The following PDE4D variants were observed in gnomAD, a reference collection of about 807,000 sequenced individuals.
The protein encoded by PDE4D is phosphodiesterase 4D.
PDE4D carries 24 observed loss-of-function variants against 87.4 expected under a neutral mutation model. That is an observed-to-expected ratio of 0.27 (90% CI 0.20 to 0.39). The LOEUF (loss-of-function observed/expected upper bound fraction) is 0.39, where lower values mean the gene tolerates loss of function less well. Ranked by LOEUF, PDE4D falls within the 10% of genes least tolerant of loss-of-function variation. The probability of loss-of-function intolerance (pLI) is 1.00; values close to 1 mark genes in which losing one functional copy is unlikely to be tolerated. For synonymous variants in PDE4D, 384 were observed against 383.2 expected (o/e 1.00, Z -0.02); for missense variants, 714 against 1,041.0 (o/e 0.69, Z 4.32).
intron 1 of PDE4D, among the ~76,000 whole-genome samples, chr5:59,505,473 G>C (rs1345442451): frequency 6.6e-6 from 1 of 152,140 alleles, no homozygotes; most frequent in East Asian, 1.9e-4. Flanking sequence ...CACGGACAGG[G>C]GAAAGCAGGT....
intron 1 of PDE4D, among the ~76,000 whole-genome samples, chr5:59,607,111 G>A (rs764033919): frequency 7.9e-5 from 12 of 152,086 alleles, no homozygotes; most frequent in East Asian, 1.9e-4. Flanking sequence ...ACAGATACGC[G>A]TAGAATTAGG....
At position 59,349,774 on chromosome 5, in the gene PDE4D, T is replaced by A. The variant is rs569139217; in HGVS notation, c.456-133806A>T. ...TTTGTCACCTTGATTTTTTTGTACATCTCCTGGCATTCCACATTTGCCAGA... is the reference window on the plus strand; with the variant it reads ...TTTGTCACCTTGATTTTTTTGTACAACTCCTGGCATTCCACATTTGCCAGA... On this transcript the variant is annotated intron_variant, in intron 1 of 14. Transcript: ENST00000340635. Among the ~76,000 whole-genome samples, 6 of 152,198 alleles carry A rather than the reference T, an allele frequency of 3.9e-5. No individual in the cohort carries two copies. The South Asian group carries it at 1.0e-3, about 26-fold the overall frequency.
At chr5:60,079,586 C>T (rs527367625) in intron 2 of PDE4D, among the ~76,000 whole-genome samples, 1 of 152,294 alleles carries the variant, frequency 6.6e-6, no homozygotes, top group South Asian at 2.1e-4. Flanking sequence ...TTTCTGTTTT[C>T]TGCATTTGGC....
At chr5:59,707,069 T>C (rs1454215686) in intron 1 of PDE4D, among the ~76,000 whole-genome samples, 1 of 152,192 alleles carries the variant, frequency 6.6e-6, no homozygotes. Flanking sequence ...TGTTAAAGAA[T>C]TTCTTTTATA....
intron 1 of PDE4D, among the ~76,000 whole-genome samples, chr5:59,887,373 G>C (rs1025080067): frequency 5.9e-5 from 9 of 152,106 alleles, no homozygotes; most frequent in East Asian, 3.8e-4. Flanking sequence ...ATTTTTAAAC[G>C]TAGATAAAAT....
At chr5:60,227,702 T>G (rs1019484585) in intron 1 of PDE4D, among the ~76,000 whole-genome samples, 6 of 152,016 alleles carry the variant, frequency 3.9e-5, no homozygotes, top group Non-Finnish European at 5.9e-5. Flanking sequence ...TCCTAATTAG[T>G]CTTTGCACAT....
intron 3 of PDE4D, among the ~76,000 whole-genome samples, chr5:59,908,829 A>AAATCC (rs1236704129): frequency 2.6e-5 from 4 of 152,206 alleles, no homozygotes; most frequent in African/African-American, 9.6e-5. Context: ...AGAATTAATT[A>AAATCC]AATCCATGAT....
At chr5:59,557,250 C>T (rs1819099395) in intron 1 of PDE4D, among the ~76,000 whole-genome samples, 1 of 152,148 alleles carries the variant, frequency 6.6e-6, no homozygotes, top group Non-Finnish European at 1.5e-5. Context: ...CCATTTATAT[C>T]ATTTTAAGCA....
chr5:59,202,543 A>C (rs1233369843), intron 2 of PDE4D, among the ~76,000 whole-genome samples: 1 of 151,678 alleles, frequency 6.6e-6, no homozygotes, highest in Non-Finnish European at 1.5e-5. Flanking sequence ...AGCAGGTTAG[A>C]ATTTTTTTTT....
intron 1 of PDE4D, among the ~76,000 whole-genome samples, chr5:59,392,796 G>T (rs909913749): frequency 6.6e-6 from 1 of 152,116 alleles, no homozygotes; most frequent in African/African-American, 2.4e-5. Context: ...TGACCTGCTG[G>T]AAGAGTCCTG....
chr5:59,748,904 G>A (rs552631699), intron 1 of PDE4D, among the ~76,000 whole-genome samples: 9 of 152,256 alleles, frequency 5.9e-5, no homozygotes, highest in Middle Eastern at 3.4e-3. Flanking sequence ...GGCTGCCTGC[G>A]GACAGCACCA....
At chr5:59,219,678 C>T (rs1165587033) in intron 1 of PDE4D, among the ~76,000 whole-genome samples, 1 of 151,912 alleles carries the variant, frequency 6.6e-6, no homozygotes, top group Non-Finnish European at 1.5e-5. Flanking sequence ...CATCAAGCAA[C>T]CAGAGAAAAT....
At chr5:60,347,334 G>A (rs570933589) in intron 1 of PDE4D, among the ~76,000 whole-genome samples, 4 of 152,188 alleles carry the variant, frequency 2.6e-5, no homozygotes, top group Admixed American at 2.6e-4. Context: ...TAAGAAAGAA[G>A]ATTCTTAGGA....
intron 1 of PDE4D, among the ~76,000 whole-genome samples, chr5:59,456,807 A>C (rs900920773): frequency 1.3e-5 from 2 of 152,182 alleles, no homozygotes; most frequent in Non-Finnish European, 2.9e-5. Context: ...ATAACTTTGA[A>C]GGGTTCAAGT....
intron 2 of PDE4D, among the ~76,000 whole-genome samples, chr5:60,073,827 T>A (rs891245099): frequency 1.3e-5 from 2 of 152,128 alleles, no homozygotes; most frequent in East Asian, 3.9e-4. Context: ...CAAACCATCA[T>A]AGTAGTCTCT....
rs750303082 is a variant in PDE4D at position 60,116,226 on chromosome 5, C to T, written c.42+69331G>A. Among the ~76,000 whole-genome samples the T allele has an allele frequency of 7.2e-5, 11 of 152,110 alleles. No homozygotes were observed. In the South Asian group the frequency reaches 1.4e-3, roughly 20 times the overall value. On this transcript the variant is annotated intron_variant, in intron 2 of 16. Transcript: ENST00000502484. Reference sequence around the variant, plus strand: ...ACAGAATCCACAGTCTCTCTTACATCTTCAGCAGCCATGTGCAACACAGAC... The same window carrying T: ...ACAGAATCCACAGTCTCTCTTACATTTTCAGCAGCCATGTGCAACACAGAC...
At chr5:59,691,163 C>T (rs298082) in intron 1 of PDE4D, among the ~76,000 whole-genome samples, 64,476 of 151,990 alleles carry the variant, frequency 0.42, 14,323 homozygotes, top group East Asian at 0.69. Flanking sequence ...GACAGTGTGG[C>T]GATTCCTCAA....
intron 1 of PDE4D, among the ~76,000 whole-genome samples, chr5:59,685,881 GA>G (rs1749782371): frequency 6.6e-6 from 1 of 152,052 alleles, no homozygotes; most frequent in Non-Finnish European, 1.5e-5. Context: ...AAATCAACAG[GA>G]AAAGTTCCAG....
intron 2 of PDE4D, among the ~76,000 whole-genome samples, chr5:60,089,655 A>T (rs1388055788): frequency 1.3e-5 from 2 of 151,906 alleles, no homozygotes; most frequent in Non-Finnish European, 2.9e-5. Context: ...AGAACAATCA[A>T]ACTCAAAATT....
Sources: allele counts gnomAD v4.1 joint callset (sites outside exome capture counted in the v4.1 genomes callset), GRCh38; gene constraint gnomAD v4.1.1; transcripts MANE v1.5; gene names NCBI Gene and HGNC (gene_info 2026-07-23, HGNC 2026-07-21).